Variants in PLXDC2 observed in about 807,000 individuals in gnomAD.
The protein encoded by PLXDC2 is plexin domain containing 2, also known as plexin domain-containing protein 2.
Under a neutral mutation model 68.9 loss-of-function variants are expected in PLXDC2, and 40 were observed. That is an observed-to-expected ratio of 0.58 (90% CI 0.45 to 0.76). The LOEUF (loss-of-function observed/expected upper bound fraction) is 0.76. PLXDC2 is among the 30% of genes least tolerant of loss of function. The pLI, the probability that PLXDC2 is intolerant of heterozygous loss-of-function variation, is 0.00. For synonymous variants in PLXDC2, 243 were observed against 234.2 expected, an observed-to-expected ratio of 1.04 and a Z score of -0.34; for missense variants, 644 against 661.9, an observed-to-expected ratio of 0.97 and a Z score of 0.30.
At chr10:19,959,254 A>G (rs575044732) in intron 1 of PLXDC2, among the ~76,000 whole-genome samples, 21 of 152,352 alleles carry the variant, frequency 1.4e-4, no homozygotes, top group African/African-American at 4.8e-4. Flanking sequence ...TTTTAAGGAA[A>G]GGATAATAAA....
At chr10:19,827,379 G>C (rs1266444129) in intron 1 of PLXDC2, among the ~76,000 whole-genome samples, 1 of 152,092 alleles carries the variant, frequency 6.6e-6, no homozygotes, top group East Asian at 1.9e-4. Flanking sequence ...AGCCATTTTA[G>C]AATAAACATT....
intron 1 of PLXDC2, among the ~76,000 whole-genome samples, chr10:19,900,964 C>T (rs1838148069): frequency 6.7e-6 from 1 of 148,974 alleles, no homozygotes; most frequent in African/African-American, 2.5e-5. Flanking sequence ...AGTAGTATCC[C>T]ATGGTATATA....
chr10:20,038,621 T>C (rs1296562459), intron 2 of PLXDC2, among the ~76,000 whole-genome samples: 1 of 152,208 alleles, frequency 6.6e-6, no homozygotes, highest in Non-Finnish European at 1.5e-5. Flanking sequence ...TGAAATTGTC[T>C]GGGCTTGATT....
At chr10:19,847,857 G>A (rs1462787526) in intron 1 of PLXDC2, among the ~76,000 whole-genome samples, 1 of 152,126 alleles carries the variant, frequency 6.6e-6, no homozygotes, top group Non-Finnish European at 1.5e-5. Flanking sequence ...ACTGTACTGG[G>A]ATTACACAAT....
intron 1 of PLXDC2, among the ~76,000 whole-genome samples, chr10:19,900,752 C>T (rs1838144594): frequency 1.3e-5 from 2 of 151,796 alleles, no homozygotes; most frequent in African/African-American, 2.4e-5. Context: ...TTATCTCTCA[C>T]CCCCGCCTAC....
At chr10:19,839,635 GT>G (rs1554838987) in intron 1 of PLXDC2, among the ~76,000 whole-genome samples, 36 of 147,324 alleles carry the variant, frequency 2.4e-4, no homozygotes, top group Middle Eastern at 3.5e-3. Context: ...ACATGTTGGT[GT>G]TTTTTTTTTT....
rs931805993 is a variant in PLXDC2 at position 19,940,076 on chromosome 10, A to G, written c.113-61699A>G. Among the ~76,000 whole-genome samples the G allele has an allele frequency of 7.9e-5, 12 of 151,830 alleles. 1 individual carries two copies. The highest frequency in any genetic ancestry group is 3.8e-4 in the East Asian group (2 of 5,198). On this transcript the variant is annotated intron_variant, in intron 1 of 13. Transcript: ENST00000377252. ...AATTTCAAAGAGTTTAGGTGATTTA[A>G]TATAGTCATGCGAAAGAATCTCAAG...
intron 4 of PLXDC2, among the ~76,000 whole-genome samples, chr10:20,142,710 C>T (rs2461920): frequency 0.59 from 90,073 of 151,722 alleles, 27,042 homozygotes; most frequent in Middle Eastern, 0.7. Context: ...TAGACTTTAT[C>T]TTCTTGACAG....
At chr10:19,974,668 C>A (rs1157603065) in intron 1 of PLXDC2, among the ~76,000 whole-genome samples, 2 of 152,190 alleles carry the variant, frequency 1.3e-5, no homozygotes, top group Non-Finnish European at 2.9e-5. Context: ...ATGCCCTATA[C>A]TATCTCTTAG....
chr10:20,137,185 C>T (rs1313808140), intron 4 of PLXDC2, among the ~76,000 whole-genome samples: 2 of 152,154 alleles, frequency 1.3e-5, no homozygotes, highest in Non-Finnish European at 2.9e-5. Context: ...CTTGTAAATA[C>T]TTCATAGAAA....
At chr10:20,216,988 T>C (rs1365911746) in intron 10 of PLXDC2, among the ~76,000 whole-genome samples, 1 of 152,212 alleles carries the variant, frequency 6.6e-6, no homozygotes, top group Non-Finnish European at 1.5e-5. Context: ...TTAGCAAATA[T>C]TTCGGATTTA....
chr10:19,844,252 A>G (rs1011480199), intron 1 of PLXDC2, among the ~76,000 whole-genome samples: 4 of 152,190 alleles, frequency 2.6e-5, no homozygotes, highest in Non-Finnish European at 4.4e-5. Context: ...TAGTGGAGAA[A>G]CTGGATTAGG....
chr10:20,022,778 A>G (rs1011502316), intron 2 of PLXDC2, among the ~76,000 whole-genome samples: 2 of 152,134 alleles, frequency 1.3e-5, no homozygotes, highest in African/African-American at 4.8e-5. Context: ...ATCATTTACT[A>G]CATTCATTGT....
At chr10:19,885,305 C>T (rs1470814729) in intron 1 of PLXDC2, among the ~76,000 whole-genome samples, 1 of 150,184 alleles carries the variant, frequency 6.7e-6, no homozygotes, top group African/African-American at 2.4e-5. Flanking sequence ...TTGTAGGTTG[C>T]CTGTTCACTC....
At chr10:19,925,870 G>A (rs147079727) in intron 1 of PLXDC2, among the ~76,000 whole-genome samples, 26 of 152,290 alleles carry the variant, frequency 1.7e-4, no homozygotes, top group African/African-American at 5.1e-4. Flanking sequence ...CTGAGAATGC[G>A]TGCAGTCTGA....
intron 1 of PLXDC2, among the ~76,000 whole-genome samples, chr10:19,915,833 T>A (rs1833355304): frequency 6.6e-6 from 1 of 151,078 alleles, no homozygotes; most frequent in East Asian, 2.0e-4. Flanking sequence ...CCTATACTTT[T>A]AAAAATTTAT....
At chr10:20,030,317 C>T (rs1001816579) in intron 2 of PLXDC2, among the ~76,000 whole-genome samples, 1 of 152,222 alleles carries the variant, frequency 6.6e-6, no homozygotes, top group African/African-American at 2.4e-5. Context: ...TTTCTCACCT[C>T]TTCAACCCAG....
At chr10:20,274,624 G>A (rs1420671603) in intron 13 of PLXDC2, among the ~76,000 whole-genome samples, 3 of 152,090 alleles carry the variant, frequency 2.0e-5, no homozygotes, top group Non-Finnish European at 4.4e-5. Flanking sequence ...CTTCCCACAC[G>A]AGCAATTACA....
chr10:20,051,504 TTAA>T (rs550416829), intron 3 of PLXDC2, among the ~76,000 whole-genome samples: 106 of 149,886 alleles, frequency 7.1e-4, no homozygotes, highest in Middle Eastern at 3.5e-3. Context: ...GGATTCATTG[TTAA>T]TGACAGTGGA....
Sources: allele counts gnomAD v4.1 joint callset (sites outside exome capture counted in the v4.1 genomes callset), GRCh38; gene constraint gnomAD v4.1.1; transcripts MANE v1.5; gene names NCBI Gene and HGNC (gene_info 2026-07-23, HGNC 2026-07-21).